The following PTPRD variants were observed in gnomAD, a reference collection of about 807,000 sequenced individuals.
The protein encoded by PTPRD is protein tyrosine phosphatase receptor type D.
A neutral mutation model predicts 214.5 loss-of-function variants in PTPRD; 34 were observed. That is an observed-to-expected ratio of 0.16 (90% confidence interval 0.12 to 0.21). The LOEUF is 0.21. PTPRD is among the 10% of genes least tolerant of loss of function. The probability of loss-of-function intolerance (pLI) is 1.00; values close to 1 mark genes in which losing one functional copy is unlikely to be tolerated. For missense variants in PTPRD, 2,545 were observed against 2,398.7 expected (o/e 1.06, Z -1.27); for synonymous variants, 1,128 against 845.7 (o/e 1.33, Z -5.79).
At chr9:10,563,525 A>T (rs2064640434) in intron 2 of PTPRD, among the ~76,000 whole-genome samples, 1 of 152,204 alleles carries the variant, frequency 6.6e-6, no homozygotes, top group Admixed American at 6.6e-5. Flanking sequence ...CTGACTTTCC[A>T]ACTTTTATCA....
chr9:9,288,044 T>C (rs1055302295), intron 9 of PTPRD, among the ~76,000 whole-genome samples: 1 of 151,832 alleles, frequency 6.6e-6, no homozygotes, highest in Non-Finnish European at 1.5e-5. Context: ...CAAGATTTCC[T>C]ATTAATATTT....
chr9:10,213,090 A>G (rs1361800272), intron 3 of PTPRD, among the ~76,000 whole-genome samples: 4 of 152,198 alleles, frequency 2.6e-5, no homozygotes, highest in Non-Finnish European at 1.5e-5. Flanking sequence ...AAGTGTTGAT[A>G]AACCTTTGGC....
Position 9,789,842 on chromosome 9 carries a change from T to C in PTPRD, c.-367-22991A>G, listed in dbSNP as rs904923170. 1.8e-4 allele frequency among the ~76,000 whole-genome samples: 27 copies of C among 148,472 alleles called. 1 individual carries two copies. The highest frequency in any genetic ancestry group is 6.5e-4 in the African/African-American group (26 of 40,060). On this transcript the variant is annotated intron_variant, in intron 5 of 45. Transcript: ENST00000381196. ...AAAAAAAAATTAAATCGAGTCGTAA[T>C]TTATCAGGACAAGTGCAAATCAAAC... is the stretch of plus-strand genomic sequence containing the variant.
chr9:10,491,407 A>G (rs1272817059), intron 2 of PTPRD, among the ~76,000 whole-genome samples: 1 of 152,144 alleles, frequency 6.6e-6, no homozygotes, highest in African/African-American at 2.4e-5. Flanking sequence ...AAGACATGAC[A>G]TTTTCTGTAT....
At chr9:9,021,357 T>G (rs1226909557) in intron 10 of PTPRD, among the ~76,000 whole-genome samples, 3 of 152,190 alleles carry the variant, frequency 2.0e-5, no homozygotes, top group Non-Finnish European at 2.9e-5. Flanking sequence ...CATACAATTA[T>G]GTATGGTACA....
intron 11 of PTPRD, among the ~76,000 whole-genome samples, chr9:8,844,717 C>T (rs2097650707): frequency 6.6e-6 from 1 of 152,114 alleles, no homozygotes; most frequent in African/African-American, 2.4e-5. Context: ...ATAGCCAAAT[C>T]CCAAGCTAAG....
At chr9:8,886,174 G>A (rs2098485898) in intron 11 of PTPRD, among the ~76,000 whole-genome samples, 1 of 152,160 alleles carries the variant, frequency 6.6e-6, no homozygotes, top group African/African-American at 2.4e-5. Flanking sequence ...CAGACATATT[G>A]ATATTTGGGG....
rs192366872 is a variant in PTPRD at position 8,839,213 on chromosome 9, A to G, written c.-103-105267T>C. The stretch of plus-strand genomic sequence containing the variant: ...AAAATTATCACTTCAGTAATTAAAG[A>G]AATTCATATTAAACCAATAATGAGA... On this transcript the variant is annotated intron_variant, in intron 11 of 45. Coordinates refer to ENST00000381196, the MANE Select transcript of PTPRD (RefSeq NM_002839.4). Among the ~76,000 whole-genome samples the G allele has an allele frequency of 4.5e-3, 686 of 152,316 alleles. 4 individuals are homozygous for G. Among genetic ancestry groups the G allele is most frequent in the Non-Finnish European group, 6.7e-3 (453 of 68,032 alleles).
chr9:10,378,673 ATGTG>A (rs1471335031), intron 2 of PTPRD, among the ~76,000 whole-genome samples: 1 of 151,900 alleles, frequency 6.6e-6, no homozygotes, highest in Non-Finnish European at 1.5e-5. Context: ...CCATTGGTCT[ATGTG>A]TCTGTTTTTA....
chr9:8,831,318 G>GT (rs2097286074), intron 11 of PTPRD, among the ~76,000 whole-genome samples: 1 of 152,106 alleles, frequency 6.6e-6, no homozygotes, highest in East Asian at 1.9e-4. Flanking sequence ...ATGTTTAAAG[G>GT]TGAGTTGGTT....
chr9:9,841,992 ATATT>A (rs1364725698), intron 5 of PTPRD, among the ~76,000 whole-genome samples: 1 of 152,072 alleles, frequency 6.6e-6, no homozygotes, highest in East Asian at 1.9e-4. Flanking sequence ...AGTAGGATAA[ATATT>A]TAATATGTCT....
At chr9:9,039,990 T>C (rs1020312864) in intron 10 of PTPRD, among the ~76,000 whole-genome samples, 18 of 152,002 alleles carry the variant, frequency 1.2e-4, no homozygotes, top group Admixed American at 6.6e-5. Context: ...CATTTTTTTT[T>C]TTCTGGCAGC....
chr9:9,207,386 TTATC>T (rs1158090047), intron 9 of PTPRD, among the ~76,000 whole-genome samples: 1 of 151,996 alleles, frequency 6.6e-6, no homozygotes, highest in Non-Finnish European at 1.5e-5. Flanking sequence ...TGAACTGCCT[TTATC>T]TAAAATACAA....
intron 11 of PTPRD, among the ~76,000 whole-genome samples, chr9:8,775,658 G>C (rs1298165293): frequency 3.3e-5 from 5 of 152,158 alleles, no homozygotes; most frequent in Non-Finnish European, 7.3e-5. Context: ...ATGATGCTCT[G>C]TTATCTCAAT....
intron 11 of PTPRD, among the ~76,000 whole-genome samples, chr9:8,838,016 G>T (rs1487279658): frequency 6.6e-6 from 1 of 152,120 alleles, no homozygotes; most frequent in African/African-American, 2.4e-5. Context: ...TATTGAAAAT[G>T]TAAGAGTCAA....
intron 3 of PTPRD, among the ~76,000 whole-genome samples, chr9:10,078,105 T>TAGTA (rs34013358): frequency 0.22 from 33,672 of 151,652 alleles, 3,973 homozygotes; most frequent in South Asian, 0.31. Context: ...GAAAATAACT[T>TAGTA]AGTAACTCCA....
intron 11 of PTPRD, among the ~76,000 whole-genome samples, chr9:8,948,995 A>G (rs2099087395): frequency 6.6e-6 from 1 of 151,958 alleles, no homozygotes; most frequent in Non-Finnish European, 1.5e-5. Context: ...GCACTTTGGC[A>G]GGCAGATCAC....
At chr9:8,529,774 C>T (rs965122830) in intron 14 of PTPRD, among the ~76,000 whole-genome samples, 1 of 152,068 alleles carries the variant, frequency 6.6e-6, no homozygotes, top group African/African-American at 2.4e-5. Context: ...TAGAACATGG[C>T]CATTTGTTTG....
intron 9 of PTPRD, among the ~76,000 whole-genome samples, chr9:9,316,957 G>T (rs1053323423): frequency 6.6e-6 from 1 of 152,084 alleles, no homozygotes; most frequent in Non-Finnish European, 1.5e-5. Context: ...ATAGGAATCT[G>T]CCCTCATTTC....
Sources: allele counts gnomAD v4.1 joint callset (sites outside exome capture counted in the v4.1 genomes callset), GRCh38; gene constraint gnomAD v4.1.1; transcripts MANE v1.5; gene names NCBI Gene and HGNC (gene_info 2026-07-23, HGNC 2026-07-21).